PITPNC1: variants seen among roughly 807,000 people sequenced by gnomAD.
The protein encoded by PITPNC1 is phosphatidylinositol transfer protein cytoplasmic 1, also known as cytoplasmic phosphatidylinositol transfer protein 1.
PITPNC1 carries 18 observed loss-of-function variants against 44.7 expected under a neutral mutation model. The observed-to-expected ratio is 0.40, with a 90% CI of 0.28 to 0.60. The LOEUF (loss-of-function observed/expected upper bound fraction) is 0.60, where lower values mean the gene tolerates loss of function less well. Ranked by LOEUF, PITPNC1 falls within the 20% of genes least tolerant of loss-of-function variation. PITPNC1 has a pLI of 0.39. For missense variants in PITPNC1, 290 were observed against 418.4 expected (o/e 0.69, Z 2.68); for synonymous variants, 141 against 149.6 (o/e 0.94, Z 0.42).
chr17:67,567,646 G>A (rs2040998156), intron 4 of PITPNC1, among the ~76,000 whole-genome samples: 1 of 152,018 alleles, frequency 6.6e-6, no homozygotes, highest in Admixed American at 6.6e-5. Context: ...GTTACAGTGT[G>A]ATCAGCAATT....
At chr17:67,461,882 G>A (rs570490682) in intron 1 of PITPNC1, among the ~76,000 whole-genome samples, 15 of 152,240 alleles carry the variant, frequency 9.9e-5, no homozygotes, top group African/African-American at 3.4e-4. Flanking sequence ...GTTCTAACTC[G>A]ATAGGCAAGG....
intron 5 of PITPNC1, among the ~76,000 whole-genome samples, chr17:67,579,614 ATTTTTTTTTTTTT>A (rs558310588): frequency 2.2e-3 from 199 of 88,814 alleles, no homozygotes; most frequent in African/African-American, 8.6e-3. Flanking sequence ...TAAAATAGTG[ATTTTTTTTTTTTT>A]TTTTTTTTTT....
chr17:67,657,160 TTTTTGTTTTG>T (rs3028849), intron 6 of PITPNC1, among the ~76,000 whole-genome samples: 75 of 150,838 alleles, frequency 5.0e-4, no homozygotes, highest in South Asian at 4.0e-3. Context: ...ACCCCCGTTT[TTTTTGTTTTG>T]TTTTGTTTTG....
chr17:67,596,963 A>T (rs2144265982), intron 5 of PITPNC1, among the ~76,000 whole-genome samples: 1 of 151,414 alleles, frequency 6.6e-6, no homozygotes, highest in South Asian at 2.1e-4. Context: ...GCACAATTTC[A>T]GCTCACTGCA....
intron 1 of PITPNC1, among the ~76,000 whole-genome samples, chr17:67,435,159 C>T (rs2038920548): frequency 6.6e-6 from 1 of 150,992 alleles, no homozygotes; most frequent in African/African-American, 2.4e-5. Flanking sequence ...TCTGGTCAGA[C>T]TCCCTGGTTT....
intron 1 of PITPNC1, among the ~76,000 whole-genome samples, chr17:67,445,509 A>G (rs556705934): frequency 1.6e-4 from 25 of 152,064 alleles, no homozygotes; most frequent in Admixed American, 1.4e-3. Flanking sequence ...ATTTCTGTAG[A>G]GCGCTTTAGT....
chr17:67,668,954 C>T (rs936173120), intron 6 of PITPNC1, among the ~76,000 whole-genome samples: 4 of 152,138 alleles, frequency 2.6e-5, no homozygotes, highest in African/African-American at 7.2e-5. Flanking sequence ...AGTGGTTTTT[C>T]GCATATGCAC....
chr17:67,441,998 G>A (rs1017482853), intron 1 of PITPNC1, among the ~76,000 whole-genome samples: 2 of 151,774 alleles, frequency 1.3e-5, no homozygotes, highest in Non-Finnish European at 2.9e-5. Flanking sequence ...AAACTCTGCT[G>A]AGCCCAAGCT....
chr17:67,696,725 A>G lies in PITPNC1; in HGVS notation c.*3837A>G, dbSNP rs535477352. 7.9e-5 allele frequency: 12 copies of G among 152,230 alleles called. No homozygotes were observed. The highest frequency in any genetic ancestry group is 1.8e-4 in the Non-Finnish European group (12 of 68,030). 9.4% of individuals were successfully genotyped at this position (152,230 alleles called of 1,614,324 possible). ...TCTTTTGTGTTCTACCTTCAAAACAATCTGTTTGCATTTGAAATATAAGTG... is the reference window on the plus strand; with the variant it reads ...TCTTTTGTGTTCTACCTTCAAAACAGTCTGTTTGCATTTGAAATATAAGTG... On this transcript the variant is annotated 3_prime_UTR_variant, in exon 9 of 9. Coordinates refer to ENST00000581322, the MANE Select transcript of PITPNC1 (RefSeq NM_012417.4).
intron 1 of PITPNC1, among the ~76,000 whole-genome samples, chr17:67,451,874 G>A (rs1271862385): frequency 6.6e-6 from 1 of 151,412 alleles, no homozygotes; most frequent in Non-Finnish European, 1.5e-5. Flanking sequence ...CTGACCTCGT[G>A]ATCCGCACAC....
intron 1 of PITPNC1, among the ~76,000 whole-genome samples, chr17:67,518,772 C>A (rs2040289354): frequency 6.6e-6 from 1 of 152,156 alleles, no homozygotes; most frequent in Non-Finnish European, 1.5e-5. Flanking sequence ...CATTGCAAGA[C>A]CCATCTCTAC....
intron 5 of PITPNC1, among the ~76,000 whole-genome samples, chr17:67,604,715 G>A (rs551907809): frequency 4.6e-5 from 7 of 152,174 alleles, no homozygotes; most frequent in South Asian, 4.2e-4. Context: ...CCCAGGAGGC[G>A]GAGGTTGCAG....
At chr17:67,634,594 A>C (rs532493004) in intron 6 of PITPNC1, among the ~76,000 whole-genome samples, 2 of 152,312 alleles carry the variant, frequency 1.3e-5, no homozygotes, top group East Asian at 3.9e-4. Context: ...GACACTTCCA[A>C]TCTAACAAAT....
chr17:67,485,056 CAGAA>C (rs1257373683), intron 1 of PITPNC1, among the ~76,000 whole-genome samples: 1 of 152,144 alleles, frequency 6.6e-6, no homozygotes, highest in African/African-American at 2.4e-5. Context: ...ATGGAAAACT[CAGAA>C]AGGTCAAGTG....
At chr17:67,586,610 T>A (rs1001727500) in intron 5 of PITPNC1, among the ~76,000 whole-genome samples, 1 of 150,852 alleles carries the variant, frequency 6.6e-6, no homozygotes, top group Non-Finnish European at 1.5e-5. Context: ...AAAAAAAAAA[T>A]GTATACTAAA....
At chr17:67,632,410 T>C in intron 6 of PITPNC1, 172 bp downstream of exon 6, 1 of 598,658 alleles carries the variant, frequency 1.7e-6, no homozygotes. Flanking sequence ...CTCTAACTCT[T>C]CAGGGACCAT....
intron 6 of PITPNC1, among the ~76,000 whole-genome samples, chr17:67,663,477 G>A (rs1480081309): frequency 6.6e-6 from 1 of 152,040 alleles, no homozygotes; most frequent in Admixed American, 6.6e-5. Context: ...GGCTAAGGCA[G>A]GAGAATGGCG....
chr17:67,385,382 A>G (rs1049346346), intron 1 of PITPNC1, among the ~76,000 whole-genome samples: 9 of 152,148 alleles, frequency 5.9e-5, no homozygotes, highest in African/African-American at 1.9e-4. Flanking sequence ...AAATGCACCA[A>G]TCAGTGCTCT....
chr17:67,676,577 A>T lies in PITPNC1; in HGVS notation c.682+1035A>T, dbSNP rs2042606383. 6.6e-6 allele frequency among the ~76,000 whole-genome samples: 1 copy of T among 152,130 alleles called. No homozygotes were observed. The highest frequency in any genetic ancestry group is 1.5e-5 in the Non-Finnish European group (1 of 68,032). ...GATCTGATTTTCAGGTCGATTGTCT[A>T]ATGAAATGCCCTTCTCCTTGGCCTT... On this transcript the variant is annotated intron_variant, in intron 8 of 8. Transcript: ENST00000581322. The surrounding 1 kb of genome is among the most constrained non-coding windows in gnomAD (Gnocchi z 4.0).
Sources: allele counts gnomAD v4.1 joint callset (sites outside exome capture counted in the v4.1 genomes callset), GRCh38; gene constraint gnomAD v4.1.1; non-coding constraint Gnocchi (gnomAD v3.1); transcripts MANE v1.5; gene names NCBI Gene and HGNC (gene_info 2026-07-23, HGNC 2026-07-21).